The following COBL variants were observed in gnomAD, a reference collection of about 807,000 sequenced individuals.
COBL encodes cordon-bleu WH2 repeat protein.
In COBL, 51 loss-of-function variants were observed where a neutral mutation model predicts 98.8. The ratio of observed to expected loss-of-function variants is 0.52; its 90% CI spans 0.41 to 0.65. The LOEUF (loss-of-function observed/expected upper bound fraction) is 0.65, where lower values mean the gene tolerates loss of function less well. Ranked by LOEUF, COBL falls within the 30% of genes least tolerant of loss-of-function variation. The pLI is 0.00. For synonymous variants in COBL, 634 were observed against 651.7 expected (o/e 0.97, Z 0.41); for missense variants, 1,617 against 1,617.5 (o/e 1.00, Z 0.01).
chr7:51,286,321 G>A (rs1584407055), intron 1 of COBL, among the ~76,000 whole-genome samples: 1 of 123,216 alleles, frequency 8.1e-6, no homozygotes. Flanking sequence ...AAAAACACAA[G>A]ATACTGACTG....
Position 51,026,573 on chromosome 7 carries a change from C to T in COBL, c.3477G>A (p.Gly1159=). 6.2e-7 allele frequency: 1 copy of T among 1,614,074 alleles called. No individual in the cohort carries two copies. The highest frequency in any genetic ancestry group is 8.5e-7 in the Non-Finnish European group (1 of 1,180,018). Residue 1159 remains glycine (G), a synonymous_variant, in exon 11 of 13, where the codon GGG becomes GGA. Coordinates refer to ENST00000265136, the MANE Select transcript of COBL (RefSeq NM_015198.5). ...TCCTCAGGCTGCAGGTGCCGCTGTG[C>T]CCGCGGATAGCTGCCAGCAGTGCAG... ...ERSALLAAIR[G]HSGTCSLRKV... is the part of the protein sequence containing the mutation.
rs560482796 is a variant in COBL, at chr7:51,234,568, G to A, written c.42-14624C>T. 1.2e-4 allele frequency among the ~76,000 whole-genome samples: 19 copies of A among 152,218 alleles called. No homozygotes were observed. The East Asian group carries it at 3.1e-3, about 25-fold the overall frequency. On this transcript the variant is annotated intron_variant, in intron 1 of 12. Coordinates refer to ENST00000265136, the MANE Select transcript of COBL (RefSeq NM_015198.5). ...ATACAAAAACTAGCCGGGCGTGTTGGTGTGTGCCTGTAGCCCCAACTATTC... is the reference window on the plus strand; with the variant it reads ...ATACAAAAACTAGCCGGGCGTGTTGATGTGTGCCTGTAGCCCCAACTATTC...
intron 5 of COBL, among the ~76,000 whole-genome samples, chr7:51,138,081 G>T (rs1046070240): frequency 6.6e-6 from 1 of 152,120 alleles, no homozygotes; most frequent in African/African-American, 2.4e-5. Context: ...CTCCATGAAG[G>T]CTGCTTTTTA....
rs553934348 is a variant in COBL, at chr7:51,095,395, C to T, written c.958-10091G>A. Among the ~76,000 whole-genome samples the T allele has an allele frequency of 5.2e-4, 79 of 152,238 alleles. 1 individual carries two copies. The highest frequency in any genetic ancestry group is 1.8e-3 in the African/African-American group (76 of 41,532). ...ATGAGATTTGAGTGGGGGACACAGC[C>T]AAACCATATTACTATGTAACTACAA... On this transcript the variant is annotated intron_variant, in intron 6 of 12. Transcript: ENST00000265136.
At chr7:51,121,427 A>G (rs1210716093) in intron 6 of COBL, among the ~76,000 whole-genome samples, 2 of 152,344 alleles carry the variant, frequency 1.3e-5, no homozygotes, top group East Asian at 3.9e-4. Flanking sequence ...TATCACATAC[A>G]TAATTTGCAA....
chr7:51,092,864 GGTA>G (rs1445987673), intron 6 of COBL, among the ~76,000 whole-genome samples: 2 of 152,046 alleles, frequency 1.3e-5, no homozygotes, highest in Non-Finnish European at 2.9e-5. Context: ...GATCACTTTG[GGTA>G]GTACGGACAT....
chr7:51,093,675 G>A (rs111706476), intron 6 of COBL, among the ~76,000 whole-genome samples: 4 of 152,232 alleles, frequency 2.6e-5, no homozygotes, highest in African/African-American at 4.8e-5. Flanking sequence ...GAGATCTCTT[G>A]AAGCCAGGAG....
At chr7:51,169,629 A>G (rs1378078477) in intron 5 of COBL, among the ~76,000 whole-genome samples, 2 of 152,186 alleles carry the variant, frequency 1.3e-5, no homozygotes, top group Non-Finnish European at 2.9e-5. Context: ...GTTCTCACTT[A>G]TTTGTGAGAT....
In COBL at chr7:51,068,966, C is replaced by T. The variant is rs577764003; in HGVS notation, c.1096+16200G>A. On this transcript the variant is annotated intron_variant, in intron 7 of 12. Transcript: ENST00000265136. Reference sequence around the variant, plus strand: ...GAGCCTGAAGACTCCAAATGTAGGCCACTTGTGCAGTGAGTGACAGTTCCA... The same window carrying T: ...GAGCCTGAAGACTCCAAATGTAGGCTACTTGTGCAGTGAGTGACAGTTCCA... 6.6e-5 allele frequency among the ~76,000 whole-genome samples: 10 copies of T among 152,316 alleles called. No homozygotes were observed. In the South Asian group the frequency reaches 2.1e-3, roughly 32 times the overall value.
At chr7:51,144,363 G>A (rs1231541221) in intron 5 of COBL, among the ~76,000 whole-genome samples, 2 of 152,182 alleles carry the variant, frequency 1.3e-5, no homozygotes, top group African/African-American at 4.8e-5. Context: ...ACTAGGAAGT[G>A]GTGGAGCCAG....
intron 5 of COBL, among the ~76,000 whole-genome samples, chr7:51,147,447 C>T (rs1429871286): frequency 6.6e-6 from 1 of 152,186 alleles, no homozygotes; most frequent in Non-Finnish European, 1.5e-5. Flanking sequence ...GAGACAGGGT[C>T]ATTTATAACC....
At chr7:51,145,610 C>T (rs1218194187) in intron 5 of COBL, among the ~76,000 whole-genome samples, 1 of 152,052 alleles carries the variant, frequency 6.6e-6, no homozygotes, top group East Asian at 1.9e-4. Context: ...AACTCCTGAC[C>T]TCAGGTGATC....
At chr7:51,057,807 G>A (rs1270272956) in intron 7 of COBL, among the ~76,000 whole-genome samples, 1 of 152,108 alleles carries the variant, frequency 6.6e-6, no homozygotes. Flanking sequence ...TAGGGTTTCA[G>A]GGTCTGTCCC....
At chr7:51,184,994 C>G (rs755780406) in intron 4 of COBL, among the ~76,000 whole-genome samples, 1 of 152,188 alleles carries the variant, frequency 6.6e-6, no homozygotes, top group Non-Finnish European at 1.5e-5. Flanking sequence ...GCATCCAGAA[C>G]GTTTTCCTTT....
intron 1 of COBL, among the ~76,000 whole-genome samples, chr7:51,229,906 G>A (rs990946077): frequency 1.3e-5 from 2 of 152,126 alleles, no homozygotes; most frequent in Admixed American, 1.3e-4. Flanking sequence ...GCAAGGGCCC[G>A]AAGGTCCCAG....
Position 51,028,066 on chromosome 7 carries a change from A to G in COBL, c.3030T>C (p.Ser1010=), listed in dbSNP as rs376515872. 5.4e-5 allele frequency: 87 copies of G among 1,612,904 alleles called. No homozygotes were observed. The highest frequency in any genetic ancestry group is 6.5e-5 in the Non-Finnish European group (77 of 1,179,442). The change falls in exon 10 of 13, where the codon TCT becomes TCC. Residue 1010 remains serine (S), a synonymous_variant. Coordinates refer to ENST00000265136, the MANE Select transcript of COBL (RefSeq NM_015198.5). ...STSSQEASSA[S]EPRRAPDGTD... Reference sequence around the variant, plus strand: ...TACCATCAGGTGCGCGTCTGGGCTCAGATGCTGAGCTGGCCTCCTGGCTAC... The same window carrying G: ...TACCATCAGGTGCGCGTCTGGGCTCGGATGCTGAGCTGGCCTCCTGGCTAC...
In COBL at chr7:51,043,576, C is replaced by T; in HGVS notation, c.1213G>A (p.Glu405Lys). The T allele has an allele frequency of 1.9e-6, 3 of 1,614,208 alleles. No individual in the cohort carries two copies. Among genetic ancestry groups the T allele is most frequent in the Non-Finnish European group, 1.7e-6 (2 of 1,180,036 alleles). The change falls in exon 8 of 13, where the codon GAG (glutamate) becomes AAG (lysine). Residue 405 changes from glutamate (E) to lysine (K), a missense_variant. Coordinates refer to ENST00000265136, the MANE Select transcript of COBL (RefSeq NM_015198.5). ...GGGGAACTCATCACTCCTGAGTCCT[C>T]GGTCGTGTCCTCCGACGCAAAACAG... ...GSCFASEDTTEDSGVMSSPSD... is the reference protein window; with the variant it reads ...GSCFASEDTTKDSGVMSSPSD...
chr7:51,024,703 C>T (rs11768359), intron 12 of COBL, among the ~76,000 whole-genome samples: 22,072 of 152,006 alleles, frequency 0.15, 2,064 homozygotes, highest in East Asian at 0.31. Context: ...ATAAGACTGG[C>T]GGCTTCCGTG....
At chr7:51,080,841 G>C (rs1252981037) in intron 7 of COBL, among the ~76,000 whole-genome samples, 2 of 152,178 alleles carry the variant, frequency 1.3e-5, no homozygotes, top group Admixed American at 1.3e-4. Context: ...GGCGCCAACA[G>C]CCTGTGCCTC....
Sources: gnomAD v4.1 joint callset for allele counts (sites outside exome capture counted in the v4.1 genomes callset) on GRCh38, gnomAD v4.1.1 for gene constraint, MANE v1.5 for transcripts, NCBI Gene and HGNC (gene_info 2026-07-23, HGNC 2026-07-21) for gene names.